TP63: variants seen among roughly 807,000 people sequenced by gnomAD.
The protein encoded by TP63 is tumor protein p63, also known as tumor protein 63.
In TP63, 17 loss-of-function variants were observed where a neutral mutation model predicts 82.8. The observed-to-expected ratio is 0.21, with a 90% CI of 0.14 to 0.31. The LOEUF (loss-of-function observed/expected upper bound fraction) is 0.31. TP63 is among the 10% of genes least tolerant of loss of function. The probability of loss-of-function intolerance (pLI) is 1.00; values close to 1 mark genes in which losing one functional copy is unlikely to be tolerated. For missense variants in TP63, 648 were observed against 895.3 expected (o/e 0.72, Z 3.52); for synonymous variants, 330 against 321.7 (o/e 1.03, Z -0.28).
chr3:189,752,241 T>C (rs1721873961), intron 3 of TP63, among the ~76,000 whole-genome samples: 1 of 152,172 alleles, frequency 6.6e-6, no homozygotes, highest in Non-Finnish European at 1.5e-5. Context: ...TGGCATGATC[T>C]TGGCTCACTG....
chr3:189,729,210 T>C (rs983629531), intron 1 of TP63, among the ~76,000 whole-genome samples: 1 of 152,078 alleles, frequency 6.6e-6, no homozygotes, highest in South Asian at 2.1e-4. Context: ...AAGAAATTGG[T>C]TAGGATAAAG....
intron 3 of TP63, 33 bp from the exon 4 acceptor site, chr3:189,808,239 G>T (rs200539672): frequency 1.9e-6 from 3 of 1,614,036 alleles, no homozygotes; most frequent in Non-Finnish European, 8.5e-7. Context: ...TGGCTTCAGC[G>T]GCTAATATTG....
chr3:189,665,133 A>G (rs1194628089), intron 1 of TP63, among the ~76,000 whole-genome samples: 1 of 152,156 alleles, frequency 6.6e-6, no homozygotes, highest in Non-Finnish European at 1.5e-5. Flanking sequence ...TTGCATGGTA[A>G]AACGACTCCT....
chr3:189,857,062 TAGCC>T (rs1480569057), intron 4 of TP63, among the ~76,000 whole-genome samples: 1 of 152,040 alleles, frequency 6.6e-6, no homozygotes, highest in Non-Finnish European at 1.5e-5. Context: ...GGATATAAAA[TAGCC>T]AGAACAATTT....
intron 4 of TP63, among the ~76,000 whole-genome samples, chr3:189,827,567 A>G (rs1711601111): frequency 6.6e-6 from 1 of 152,248 alleles, no homozygotes; most frequent in South Asian, 2.1e-4. Flanking sequence ...GCCTTCAAGG[A>G]TAAGCAAAGT....
intron 1 of TP63, among the ~76,000 whole-genome samples, chr3:189,722,120 C>T (rs1465271637): frequency 6.6e-6 from 1 of 152,036 alleles, no homozygotes; most frequent in Non-Finnish European, 1.5e-5. Flanking sequence ...GTGAGCCTTC[C>T]TAGGAGAGTA....
chr3:189,848,748 A>G (rs1715257549), intron 4 of TP63, among the ~76,000 whole-genome samples: 1 of 152,228 alleles, frequency 6.6e-6, no homozygotes, highest in South Asian at 2.1e-4. Context: ...TTAGTTGTGC[A>G]ACCTTTAGAA....
At chr3:189,675,181 A>AG (rs1470446682) in intron 1 of TP63, among the ~76,000 whole-genome samples, 1 of 152,044 alleles carries the variant, frequency 6.6e-6, no homozygotes, top group African/African-American at 2.4e-5. Context: ...TCTTTTAATG[A>AG]GGGCACAAGT....
At chr3:189,660,633 A>G (rs1176376655) in intron 1 of TP63, among the ~76,000 whole-genome samples, 1 of 152,028 alleles carries the variant, frequency 6.6e-6, no homozygotes. Flanking sequence ...ATAATGTTGA[A>G]TCTGTAGATT....
chr3:189,715,790 T>G (rs2108761021), intron 1 of TP63, among the ~76,000 whole-genome samples: 1 of 152,338 alleles, frequency 6.6e-6, no homozygotes, highest in African/African-American at 2.4e-5. Flanking sequence ...CTGTTTGTTT[T>G]TCTTTTGTTA....
chr3:189,697,162 T>G (rs1242774084), intron 1 of TP63, among the ~76,000 whole-genome samples: 2 of 151,966 alleles, frequency 1.3e-5, no homozygotes, highest in Non-Finnish European at 2.9e-5. Flanking sequence ...TTTTTAAAAT[T>G]TTTACATTGA....
chr3:189,728,744 G>A (rs1442212358), intron 1 of TP63, among the ~76,000 whole-genome samples: 1 of 152,152 alleles, frequency 6.6e-6, no homozygotes, highest in Admixed American at 6.5e-5. Flanking sequence ...AGAATGAGTG[G>A]AAGCAGGGAA....
At chr3:189,704,300 C>A (rs1312481232) in intron 1 of TP63, among the ~76,000 whole-genome samples, 5 of 152,216 alleles carry the variant, frequency 3.3e-5, no homozygotes, top group Non-Finnish European at 7.4e-5. Context: ...TTTTCTGGTT[C>A]TCTACGTGGT....
At chr3:189,680,721 G>A (rs1377425437) in intron 1 of TP63, among the ~76,000 whole-genome samples, 1 of 152,172 alleles carries the variant, frequency 6.6e-6, no homozygotes, top group East Asian at 1.9e-4. Flanking sequence ...ATGGAGTCAG[G>A]GTCCACTGGA....
At chr3:189,705,713 C>A (rs966983279) in intron 1 of TP63, among the ~76,000 whole-genome samples, 1 of 152,016 alleles carries the variant, frequency 6.6e-6, no homozygotes, top group Non-Finnish European at 1.5e-5. Context: ...TTTCAAGAAC[C>A]TTGATAAAGA....
intron 1 of TP63, among the ~76,000 whole-genome samples, chr3:189,671,633 A>G (rs960230314): frequency 1.3e-5 from 2 of 152,178 alleles, no homozygotes; most frequent in Non-Finnish European, 2.9e-5. Flanking sequence ...ATATGGAATC[A>G]ACCTAAATGT....
intron 4 of TP63, among the ~76,000 whole-genome samples, chr3:189,862,405 T>G (rs551662832): frequency 6.6e-6 from 1 of 152,276 alleles, no homozygotes; most frequent in South Asian, 2.1e-4. Flanking sequence ...AATTTTATTC[T>G]TAATGCTTTT....
chr3:189,896,280 T>C lies in TP63; in HGVS notation c.*1778T>C, dbSNP rs189729625. 2.3e-5 allele frequency: 5 copies of C among 217,526 alleles called. No individual in the cohort carries two copies. In the Admixed American group the frequency reaches 2.9e-4, roughly 13 times the overall value. 13.5% of individuals were successfully genotyped at this position (217,526 alleles called of 1,614,324 possible). ...TTGTGTGAAATTGCATACTTTGTAT[T>C]TTGATTATTTTTTTTTTCTTCTTGG... On this transcript the variant is annotated 3_prime_UTR_variant, in exon 14 of 14. Coordinates refer to ENST00000264731, the MANE Select transcript of TP63 (RefSeq NM_003722.5).
the TP63 span, among the ~76,000 whole-genome samples, chr3:189,607,797 A>T: frequency 6.6e-6 from 1 of 152,154 alleles, no homozygotes; most frequent in African/African-American, 2.4e-5. Context: ...TAGGATTATA[A>T]TGTTTATCAC....
Sources: allele counts gnomAD v4.1 joint callset (sites outside exome capture counted in the v4.1 genomes callset), GRCh38; gene constraint gnomAD v4.1.1; transcripts MANE v1.5; gene names NCBI Gene and HGNC (gene_info 2026-07-23, HGNC 2026-07-21).